The following NCKAP5 variants were observed in gnomAD, a reference collection of about 807,000 sequenced individuals.
NCKAP5 encodes nck-associated protein 5.
In NCKAP5, 92 loss-of-function variants were observed where a neutral mutation model predicts 167.0. The observed-to-expected ratio is 0.55, with a 90% CI of 0.47 to 0.66. The LOEUF (loss-of-function observed/expected upper bound fraction) is 0.66. NCKAP5 is among the 30% of genes least tolerant of loss of function. The pLI is 0.00. For missense variants in NCKAP5, 2,378 were observed against 2,315.0 expected (o/e 1.03, Z -0.56); for synonymous variants, 891 against 877.4 (o/e 1.02, Z -0.27).
chr2:132,781,235 G>A lies in NCKAP5; in HGVS notation c.4872-6C>T. ...GAGCTGCTTTCTTATCAACTCTGCAGGTAGAAAGTGATTCCTCTGATAAGT... is the reference window on the plus strand; with the variant it reads ...GAGCTGCTTTCTTATCAACTCTGCAAGTAGAAAGTGATTCCTCTGATAAGT... On this transcript the variant is annotated splice_polypyrimidine_tract_variant and splice_region_variant and intron_variant, in intron 14 of 19. Coordinates refer to ENST00000409261, the MANE Select transcript of NCKAP5 (RefSeq NM_207363.3). 5 of 1,610,284 alleles carry A rather than the reference G, an allele frequency of 3.1e-6. No homozygotes were observed. The highest frequency in any genetic ancestry group is 4.2e-6 in the Non-Finnish European group (5 of 1,178,446).
At chr2:132,714,933 G>C in intron 19 of NCKAP5, 1 of 452,040 alleles carries the variant, frequency 2.2e-6, no homozygotes, top group Non-Finnish European at 4.4e-6. Flanking sequence ...TGGGTTTCTA[G>C]GTTCTTGGAG....
At chr2:133,208,511 C>G (rs975985821) in intron 5 of NCKAP5, among the ~76,000 whole-genome samples, 2 of 152,158 alleles carry the variant, frequency 1.3e-5, no homozygotes, top group Non-Finnish European at 2.9e-5. Flanking sequence ...CTAACCAGTA[C>G]TTCTTAAAAC....
chr2:132,901,115 G>A (rs1200089566), intron 8 of NCKAP5, among the ~76,000 whole-genome samples: 5 of 151,578 alleles, frequency 3.3e-5, no homozygotes, highest in South Asian at 2.1e-4. Context: ...TGATTGTTTC[G>A]ATCACTTGTT....
chr2:132,827,486 C>T, intron 11 of NCKAP5, among the ~76,000 whole-genome samples: 1 of 152,264 alleles, frequency 6.6e-6, no homozygotes, highest in South Asian at 2.1e-4. Flanking sequence ...GTGATCATAT[C>T]AGGGTAATTA....
chr2:132,716,544 T>A (rs912914732), intron 19 of NCKAP5, among the ~76,000 whole-genome samples: 1 of 151,908 alleles, frequency 6.6e-6, no homozygotes, highest in African/African-American at 2.4e-5. Context: ...AGCTCCTTTT[T>A]AAAAGTGTTG....
chr2:132,750,672 G>A (rs572092100), intron 16 of NCKAP5, among the ~76,000 whole-genome samples: 4 of 152,284 alleles, frequency 2.6e-5, no homozygotes, highest in African/African-American at 9.6e-5. Context: ...CTAGTGCTAA[G>A]CATGAACATT....
At chr2:133,630,419 C>A in the NCKAP5 span, among the ~76,000 whole-genome samples, 1 of 152,228 alleles carries the variant, frequency 6.6e-6, no homozygotes, top group South Asian at 2.1e-4. Context: ...TGTGAACACA[C>A]TGAAAGCCAT....
intron 19 of NCKAP5, among the ~76,000 whole-genome samples, chr2:132,697,212 C>T (rs962986427): frequency 5.9e-5 from 9 of 152,206 alleles, no homozygotes; most frequent in African/African-American, 2.2e-4. Context: ...TAACAGTTAT[C>T]CCTTAAAGAG....
intron 2 of NCKAP5, among the ~76,000 whole-genome samples, chr2:133,540,659 G>GTGAGCAAATGAA (rs1439112344): frequency 1.3e-5 from 2 of 152,100 alleles, no homozygotes; most frequent in African/African-American, 4.8e-5. Flanking sequence ...TTGAAGGCCA[G>GTGAGCAAATGAA]GCACAGTGGC....
At chr2:132,736,148 T>C (rs1317681556) in intron 16 of NCKAP5, among the ~76,000 whole-genome samples, 1 of 152,162 alleles carries the variant, frequency 6.6e-6, no homozygotes, top group Non-Finnish European at 1.5e-5. Context: ...TAAGTACCTA[T>C]GAAGTGAGGT....
the NCKAP5 span, among the ~76,000 whole-genome samples, chr2:133,646,655 T>C: frequency 4.6e-5 from 7 of 152,216 alleles, no homozygotes; most frequent in South Asian, 2.1e-4. Context: ...TAAGAAAGTA[T>C]GGAACTCATG....
At chr2:133,656,291 T>A in the NCKAP5 span, among the ~76,000 whole-genome samples, 2 of 151,568 alleles carry the variant, frequency 1.3e-5, no homozygotes, top group African/African-American at 2.4e-5. Context: ...AAAAAAACCA[T>A]CTTTTGAGGA....
At chr2:133,063,349 C>T (rs2080076541) in intron 6 of NCKAP5, among the ~76,000 whole-genome samples, 1 of 152,168 alleles carries the variant, frequency 6.6e-6, no homozygotes, top group African/African-American at 2.4e-5. Context: ...TGACAGGGCA[C>T]TCAATTTATT....
At chr2:132,788,255 A>T (rs189187092) in intron 13 of NCKAP5, among the ~76,000 whole-genome samples, 30 of 152,214 alleles carry the variant, frequency 2.0e-4, no homozygotes, top group African/African-American at 7.2e-4. Flanking sequence ...TGACTAAAAG[A>T]TGCTGTTGCT....
chr2:133,073,212 G>C (rs1189814000), intron 6 of NCKAP5, among the ~76,000 whole-genome samples: 1 of 151,940 alleles, frequency 6.6e-6, no homozygotes, highest in Non-Finnish European at 1.5e-5. Context: ...GTAGGCTAGA[G>C]TAGACAGGGA....
chr2:132,888,735 A>T (rs1460718129), intron 8 of NCKAP5, among the ~76,000 whole-genome samples: 3 of 152,236 alleles, frequency 2.0e-5, no homozygotes, highest in Non-Finnish European at 4.4e-5. Context: ...ACACCATCTG[A>T]CACATTCTGA....
intron 17 of NCKAP5, 48 bp from the exon 18 acceptor site, chr2:132,729,000 T>G (rs1235345578): frequency 7.5e-6 from 12 of 1,603,932 alleles, no homozygotes; most frequent in Non-Finnish European, 9.4e-6. Flanking sequence ...TTCATCAACA[T>G]TTTACAAGTT....
At chr2:133,446,632 A>G (rs966992296) in intron 3 of NCKAP5, among the ~76,000 whole-genome samples, 7 of 152,182 alleles carry the variant, frequency 4.6e-5, no homozygotes, top group Non-Finnish European at 8.8e-5. Flanking sequence ...CCGCTCTATC[A>G]TGAGCCTCGT....
At chr2:133,361,176 C>T (rs1440390965) in intron 3 of NCKAP5, among the ~76,000 whole-genome samples, 2 of 152,090 alleles carry the variant, frequency 1.3e-5, no homozygotes, top group Non-Finnish European at 2.9e-5. Context: ...ATGTACCCTA[C>T]TTCTAATTCA....
Sources: allele counts gnomAD v4.1 joint callset (sites outside exome capture counted in the v4.1 genomes callset), GRCh38; gene constraint gnomAD v4.1.1; transcripts MANE v1.5; gene names NCBI Gene and HGNC (gene_info 2026-07-23, HGNC 2026-07-21).